VTA1: variants seen among roughly 807,000 people sequenced by gnomAD.
The protein encoded by VTA1 is vacuolar protein sorting-associated protein VTA1 homolog.
VTA1 carries 24 observed loss-of-function variants against 36.9 expected under a neutral mutation model. The ratio of observed to expected loss-of-function variants is 0.65; its 90% CI spans 0.47 to 0.91. The LOEUF (loss-of-function observed/expected upper bound fraction) is 0.91, where lower values mean the gene tolerates loss of function less well. Ranked by LOEUF, VTA1 falls within the 40% of genes least tolerant of loss-of-function variation. The pLI is 0.00. For synonymous variants in VTA1, 142 were observed against 130.2 expected (o/e 1.09, Z -0.62); for missense variants, 393 against 377.2 (o/e 1.04, Z -0.35).
chr6:142,189,359 A>G lies in VTA1; in HGVS notation c.412-67A>G, dbSNP rs1582893417. The G allele has an allele frequency of 2.3e-6, 3 of 1,293,502 alleles. No individual in the cohort carries two copies. In the East Asian group the frequency reaches 7.0e-5, roughly 30 times the overall value. 80.1% of individuals were successfully genotyped at this position (1,293,502 alleles called of 1,614,324 possible). On this transcript the variant is annotated intron_variant, in intron 4 of 7. Transcript: ENST00000367630. ...TTATCTCAGAAATATGATATAGGTC[A>G]TCATAAATGTTTACTTTTTACTTCT...
chr6:142,185,972 T>A (rs1454778217), intron 4 of VTA1, among the ~76,000 whole-genome samples: 2 of 152,204 alleles, frequency 1.3e-5, no homozygotes, highest in South Asian at 4.1e-4. Flanking sequence ...TTGTAAGGTA[T>A]GTGGGTGTTT....
intron 5 of VTA1, among the ~76,000 whole-genome samples, chr6:142,191,850 T>C (rs1775461938): frequency 6.6e-6 from 1 of 152,128 alleles, no homozygotes; most frequent in Non-Finnish European, 1.5e-5. Flanking sequence ...TGATTTGTTT[T>C]CTTTTTTTGA....
chr6:142,198,570 G>A lies in VTA1; in HGVS notation c.652G>A (p.Ala218Thr), dbSNP rs781278119. The A allele has an allele frequency of 1.2e-5, 19 of 1,613,512 alleles. No homozygotes were observed. The highest frequency in any genetic ancestry group is 1.4e-5 in the Non-Finnish European group (17 of 1,179,686). Reference protein sequence around the residue: ...NYTGIQIPPGAHAPANTPAEV... With the variant: ...NYTGIQIPPGTHAPANTPAEV... ...TACTGGAATACAGATTCCTCCGGGT[G>A]CACACGCTCCAGCTAATACACCAGC... Residue 218 changes from alanine to threonine, a missense_variant, in exon 6 of 8, where the codon GCA becomes ACA. Physicochemically the swap from Ala to Thr is moderately conservative, Grantham distance 58. Coordinates refer to ENST00000367630, the MANE Select transcript of VTA1 (RefSeq NM_016485.5).
intron 7 of VTA1, among the ~76,000 whole-genome samples, chr6:142,208,261 C>CA (rs959955523): frequency 6.6e-6 from 1 of 151,684 alleles, no homozygotes; most frequent in Non-Finnish European, 1.5e-5. Context: ...CAAAAAAAAT[C>CA]AAATCTTGGA....
Position 142,204,084 on chromosome 6 carries a change from T to C in VTA1, c.778+19T>C. ...TCCCAGGGTAAGTCAGCTGACTATT[T>C]TGTGAGATACATTTATCTCCTGTTT... On this transcript the variant is annotated intron_variant, in intron 7 of 7. Coordinates refer to ENST00000367630, the MANE Select transcript of VTA1 (RefSeq NM_016485.5). 4 of 1,606,748 alleles carry C rather than the reference T, an allele frequency of 2.5e-6. No individual in the cohort carries two copies. In the South Asian group the frequency reaches 4.4e-5, roughly 18 times the overall value.
chr6:142,192,708 G>T (rs1200609941), intron 5 of VTA1, among the ~76,000 whole-genome samples: 1 of 139,662 alleles, frequency 7.2e-6, no homozygotes, highest in Middle Eastern at 3.7e-3. Flanking sequence ...ATATTTGTGT[G>T]TGTGTGTGTG....
intron 1 of VTA1, among the ~76,000 whole-genome samples, chr6:142,158,568 T>C (rs1467029166): frequency 6.6e-6 from 1 of 152,224 alleles, no homozygotes; most frequent in Non-Finnish European, 1.5e-5. Flanking sequence ...TGCTGGATCT[T>C]ATGTTTTTAT....
In VTA1 at chr6:142,198,525, A is replaced by G; in HGVS notation, c.607A>G (p.Asn203Asp). The G allele has an allele frequency of 6.2e-7, 1 of 1,614,154 alleles. No homozygotes were observed. Among genetic ancestry groups the G allele is most frequent in the East Asian group, 2.2e-5 (1 of 44,864 alleles). Residue 203 changes from asparagine to aspartate, a missense_variant, in exon 6 of 8, where the codon AAC (asparagine) becomes GAC (aspartate). Coordinates refer to ENST00000367630, the MANE Select transcript of VTA1 (RefSeq NM_016485.5). ...PSSSSTYDPS[N>D]MPSGNYTGIQ... ...ATCATCTTCAACTTATGACCCAAGC[A>G]ACATGCCATCAGGCAACTATACTGG... is the stretch of plus-strand genomic sequence containing the variant.
chr6:142,204,690 A>G (rs199910247), intron 7 of VTA1, among the ~76,000 whole-genome samples: 1 of 12,212 alleles, frequency 8.2e-5, no homozygotes, highest in African/African-American at 7.4e-4. Context: ...ATCCTTTTAT[A>G]TTTAAAAGGA....
intron 2 of VTA1, among the ~76,000 whole-genome samples, chr6:142,166,825 C>T (rs911231927): frequency 6.6e-6 from 1 of 152,026 alleles, no homozygotes; most frequent in Admixed American, 6.6e-5. Flanking sequence ...GGAGTTTGAC[C>T]ATGTTGGCCA....
At position 142,218,853 on chromosome 6, in the gene VTA1, A is replaced by G. The variant is rs1277266851; in HGVS notation, c.*210A>G. 2.0e-6 allele frequency: 1 copy of G among 510,372 alleles called. No homozygotes were observed. The highest frequency in any genetic ancestry group is 3.3e-6 in the Non-Finnish European group (1 of 304,140). The allele number at this position is 510,372 out of a possible 1,614,324, so 31.6% of individuals were successfully genotyped here. ...CATTTACTAGATTCAATCGTCTCTG[A>G]GTATATAGGGCTGATGTTAGCAAGA... is the stretch of plus-strand genomic sequence containing the variant. On this transcript the variant is annotated 3_prime_UTR_variant, in exon 8 of 8. Coordinates refer to ENST00000367630, the MANE Select transcript of VTA1 (RefSeq NM_016485.5).
chr6:142,166,198 T>A (rs1303349665), intron 1 of VTA1, 30 bp from the exon 2 acceptor site: 1 of 1,476,982 alleles, frequency 6.8e-7, no homozygotes, highest in African/African-American at 1.4e-5. Flanking sequence ...AAAAATGAAA[T>A]TGTTCAAATT....
chr6:142,173,814 C>T (rs920750217), intron 4 of VTA1, among the ~76,000 whole-genome samples: 1 of 152,068 alleles, frequency 6.6e-6, no homozygotes. Flanking sequence ...ATTTTTTGAA[C>T]ATAGTAACTA....
chr6:142,213,537 A>AC (rs35929140), intron 7 of VTA1, among the ~76,000 whole-genome samples: 29 of 152,056 alleles, frequency 1.9e-4, no homozygotes, highest in African/African-American at 5.3e-4. Flanking sequence ...GGGGGCTCCA[A>AC]CCCCCCATAT....
At position 142,218,429 on chromosome 6, in the gene VTA1, G is replaced by C. The variant is rs1776041888; in HGVS notation, c.779-69G>C. The C allele has an allele frequency of 3.3e-6, 5 of 1,514,916 alleles. No individual in the cohort carries two copies. In the East Asian group the frequency reaches 1.2e-4, roughly 35 times the overall value. 93.8% of individuals were successfully genotyped at this position (1,514,916 alleles called of 1,614,324 possible). On this transcript the variant is annotated intron_variant, in intron 7 of 7. Transcript: ENST00000367630. The stretch of plus-strand genomic sequence containing the variant: ...ATATGTTTTTTAATCTTAAGCATAA[G>C]CATTTGCCCAACCTTACAGAACACT...
chr6:142,198,231 G>A (rs1268815607), intron 5 of VTA1, among the ~76,000 whole-genome samples: 1 of 150,934 alleles, frequency 6.6e-6, no homozygotes, highest in Admixed American at 6.6e-5. Flanking sequence ...CCTGAAAGAA[G>A]TGATAATCAT....
Position 142,218,558 on chromosome 6 carries a change from G to A in VTA1, c.839G>A (p.Gly280Asp). The change falls in exon 8 of 8, where the codon GGC (glycine) becomes GAC (aspartate). Residue 280 changes from glycine (G) to aspartate (D), a missense_variant. Transcript: ENST00000367630. ...GCTCAGAAGTACTGCAAATATGCTG[G>A]CAGTGCTTTGCAGTATGAAGATGTA... ...ARAQKYCKYAGSALQYEDVST... is the reference protein window; with the variant it reads ...ARAQKYCKYADSALQYEDVST... 6.2e-7 allele frequency: 1 copy of A among 1,613,556 alleles called. No homozygotes were observed. Among genetic ancestry groups the A allele is most frequent in the Non-Finnish European group, 8.5e-7 (1 of 1,179,730 alleles).
chr6:142,161,028 A>C (rs1317176296), intron 1 of VTA1, among the ~76,000 whole-genome samples: 1 of 147,476 alleles, frequency 6.8e-6, no homozygotes, highest in African/African-American at 2.5e-5. Context: ...CGAAGGGATG[A>C]GTGAAGTAAG....
chr6:142,192,593 C>T (rs1250155768), intron 5 of VTA1, among the ~76,000 whole-genome samples: 1 of 152,022 alleles, frequency 6.6e-6, no homozygotes, highest in East Asian at 1.9e-4. Flanking sequence ...TAAACATTCT[C>T]TCATTGATTC....
Sources: gnomAD v4.1 joint callset for allele counts (sites outside exome capture counted in the v4.1 genomes callset) on GRCh38, gnomAD v4.1.1 for gene constraint, MANE v1.5 for transcripts, NCBI Gene and HGNC (gene_info 2026-07-23, HGNC 2026-07-21) for gene names.